Variants in VPS13B observed in about 807,000 individuals in gnomAD.
VPS13B encodes the protein intermembrane lipid transfer protein VPS13B.
VPS13B carries 285 observed loss-of-function variants against 426.4 expected under a neutral mutation model. The observed-to-expected ratio is 0.67, with a 90% CI of 0.61 to 0.74. VPS13B has a LOEUF of 0.74. Among genes scored for constraint, VPS13B ranks in the 30% least tolerant of loss-of-function variants. The pLI, the probability that VPS13B is intolerant of heterozygous loss-of-function variation, is 0.00. For synonymous variants in VPS13B, 1,676 were observed against 1,676.4 expected, an observed-to-expected ratio of 1.00 and a Z score of 0.01; for missense variants, 4,537 against 4,782.6, an observed-to-expected ratio of 0.95 and a Z score of 1.51.
intron 17 of VPS13B, among the ~76,000 whole-genome samples, chr8:99,238,056 C>T (rs1392396544): frequency 2.0e-5 from 3 of 152,022 alleles, no homozygotes; most frequent in African/African-American, 7.2e-5. Flanking sequence ...CGTGCTTTTC[C>T]ATTGCCTGGA....
At chr8:99,764,971 C>T (rs890898452) in intron 39 of VPS13B, among the ~76,000 whole-genome samples, 36 of 152,090 alleles carry the variant, frequency 2.4e-4, no homozygotes, top group African/African-American at 7.2e-4. Flanking sequence ...TTTGGCTAGG[C>T]GCGGTGGCTC....
intron 14 of VPS13B, among the ~76,000 whole-genome samples, chr8:99,149,435 A>G (rs572988317): frequency 8.5e-4 from 129 of 152,248 alleles, no homozygotes; most frequent in Non-Finnish European, 1.3e-3. Flanking sequence ...TTCCTGTCTC[A>G]GGCTTCTGAG....
At chr8:99,151,084 T>A (rs1811053090) in intron 14 of VPS13B, among the ~76,000 whole-genome samples, 1 of 151,272 alleles carries the variant, frequency 6.6e-6, no homozygotes, top group Non-Finnish European at 1.5e-5. Flanking sequence ...TTCTAAGACA[T>A]GTGTAATGGT....
At chr8:99,446,062 T>G (rs936709494) in intron 23 of VPS13B, among the ~76,000 whole-genome samples, 1 of 152,226 alleles carries the variant, frequency 6.6e-6, no homozygotes, top group African/African-American at 2.4e-5. Context: ...GTTGGCTGCA[T>G]TTGGCCATGA....
chr8:99,519,396 A>G (rs1387286433), intron 29 of VPS13B, among the ~76,000 whole-genome samples: 2 of 152,180 alleles, frequency 1.3e-5, no homozygotes, highest in Non-Finnish European at 2.9e-5. Context: ...CAGTGTGGCA[A>G]TTCCTCAGGG....
intron 16 of VPS13B, among the ~76,000 whole-genome samples, chr8:99,187,806 A>G (rs1361261015): frequency 2.0e-5 from 3 of 151,984 alleles, no homozygotes; most frequent in Non-Finnish European, 4.4e-5. Context: ...CTGTCTCTAT[A>G]AAAAAATAAA....
chr8:99,338,149 A>G (rs1049144320), intron 19 of VPS13B, among the ~76,000 whole-genome samples: 69 of 152,246 alleles, frequency 4.5e-4, no homozygotes, highest in African/African-American at 1.5e-3. Flanking sequence ...TAATTTTGCT[A>G]TTTAAAAAGA....
rs1348080384 is a variant in VPS13B, at chr8:99,861,925, C to T, written c.11194C>T (p.Arg3732Trp). The T allele has an allele frequency of 1.0e-5, 16 of 1,595,230 alleles. No individual in the cohort carries two copies. Among genetic ancestry groups the T allele is most frequent in the Non-Finnish European group, 1.2e-5 (14 of 1,172,116 alleles). ...CGAGGGGCTTCGACAGGGCCTGTCC[C>T]GGCTGGGCATCAGCCTGCTTGGTAA... is the stretch of plus-strand genomic sequence containing the variant. ...LGEGLRQGLS[R>W]LGISLLGAIA... Residue 3732 changes from arginine to tryptophan, a missense_variant, in exon 58 of 62, where the codon CGG becomes TGG. Physicochemically the swap from Arg to Trp is moderately radical, Grantham distance 101. Coordinates refer to ENST00000357162, the MANE Select transcript of VPS13B (RefSeq NM_152564.5).
intron 56 of VPS13B, among the ~76,000 whole-genome samples, chr8:99,857,500 C>G (rs1220911411): frequency 3.3e-5 from 5 of 152,180 alleles, no homozygotes; most frequent in African/African-American, 1.2e-4. Context: ...TATTCCACAG[C>G]CTCCCCAGCT....
intron 39 of VPS13B, among the ~76,000 whole-genome samples, chr8:99,733,367 G>A (rs1304749751): frequency 6.6e-6 from 1 of 152,144 alleles, no homozygotes; most frequent in Non-Finnish European, 1.5e-5. Context: ...TGGTGATCTC[G>A]GGCAAGTTAT....
intron 24 of VPS13B, among the ~76,000 whole-genome samples, chr8:99,468,585 C>T (rs991839144): frequency 3.3e-5 from 5 of 152,066 alleles, no homozygotes; most frequent in African/African-American, 1.2e-4. Flanking sequence ...CTTGATGGCA[C>T]ATGCCTATAG....
In VPS13B at chr8:99,373,982, A is replaced by G. The variant is rs374228875; in HGVS notation, c.2825-10226A>G. ...TTATCTTATAGTTTATTGTAGCACA[A>G]ATTTTCTGAAGACAAATTCTATCAT... On this transcript the variant is annotated intron_variant, in intron 19 of 61. Transcript: ENST00000357162. 7.2e-5 allele frequency among the ~76,000 whole-genome samples: 11 copies of G among 152,252 alleles called. No homozygotes were observed. The East Asian group carries it at 1.7e-3, about 24-fold the overall frequency.
At chr8:99,696,284 A>T (rs1307323744) in intron 35 of VPS13B, 1 of 209,610 alleles carries the variant, frequency 4.8e-6, no homozygotes, top group African/African-American at 2.3e-5. Context: ...CCAAGTGTAC[A>T]CCCCCACCCC....
chr8:99,697,674 G>T, intron 35 of VPS13B: 1 of 645,754 alleles, frequency 1.5e-6, no homozygotes, highest in Non-Finnish European at 2.9e-6. Context: ...TGATCGGGCA[G>T]ATCGAGGGCT....
intron 41 of VPS13B, among the ~76,000 whole-genome samples, chr8:99,777,974 G>A (rs1467520722): frequency 6.6e-6 from 1 of 152,136 alleles, no homozygotes; most frequent in Non-Finnish European, 1.5e-5. Context: ...ACTCACACCT[G>A]TAATCCCAAC....
intron 14 of VPS13B, among the ~76,000 whole-genome samples, chr8:99,149,692 T>A (rs1810954996): frequency 6.6e-6 from 1 of 151,858 alleles, no homozygotes; most frequent in Non-Finnish European, 1.5e-5. Context: ...ACTCCTGGGA[T>A]GCGGACCAGT....
chr8:99,817,428 C>G, intron 44 of VPS13B, 112 bp from the exon 45 acceptor site: 1 of 1,395,800 alleles, frequency 7.2e-7, no homozygotes, highest in Non-Finnish European at 1.0e-6. Flanking sequence ...AAGCTAATTA[C>G]TTCATTTTCT....
In VPS13B at chr8:99,870,884, T is replaced by A. The variant is rs1563519728; in HGVS notation, c.11492T>A (p.Val3831Asp). ...GCTCCAAACAGCCATGTCAAATATG[T>A]CTGGTAAAATTATTGAGATACGTGC... ...DQAPNSHVKY[V>D]WKMLQSLGRP... Residue 3831 changes from valine (V) to aspartate (D), a missense_variant, in exon 60 of 62, where the codon GTC becomes GAC. Coordinates refer to ENST00000357162, the MANE Select transcript of VPS13B (RefSeq NM_152564.5). 6.2e-7 allele frequency: 1 copy of A among 1,613,916 alleles called. No individual in the cohort carries two copies. The highest frequency in any genetic ancestry group is 8.5e-7 in the Non-Finnish European group (1 of 1,179,806).
At chr8:99,310,894 C>G (rs1382833374) in intron 19 of VPS13B, among the ~76,000 whole-genome samples, 2 of 152,112 alleles carry the variant, frequency 1.3e-5, no homozygotes, top group African/African-American at 4.8e-5. Context: ...CTGTTTTAGT[C>G]TTTGGAGGGT....
Sources: gnomAD v4.1 joint callset for allele counts (sites outside exome capture counted in the v4.1 genomes callset) on GRCh38, gnomAD v4.1.1 for gene constraint, MANE v1.5 for transcripts, NCBI Gene and HGNC (gene_info 2026-07-23, HGNC 2026-07-21) for gene names.